KLHL15: variants seen among roughly 807,000 people sequenced by gnomAD.
The protein encoded by KLHL15 is kelch-like protein 15.
Under a neutral mutation model 29.3 loss-of-function variants are expected in KLHL15, and 1 was observed. That is an observed-to-expected ratio of 0.03 (90% CI 0.01 to 0.16). The LOEUF is 0.16. Among genes scored for constraint, KLHL15 ranks in the 10% least tolerant of loss-of-function variants. The pLI is 1.00. For missense variants in KLHL15, 215 were observed against 478.5 expected, an observed-to-expected ratio of 0.45 and a Z score of 5.14; for synonymous variants, 212 against 184.5, an observed-to-expected ratio of 1.15 and a Z score of -1.21.
intron 2 of KLHL15, among the ~76,000 whole-genome samples, chrX:24,023,833 T>C (rs1422050236): frequency 8.9e-6 from 1 of 112,355 alleles, no homozygotes. Context: ...TCTATACATT[T>C]CTAGATCTAT....
rs1434352066 is a variant in KLHL15 at position 23,986,825 on chromosome X, T to C, written c.*1096A>G. ...TCAATAACAAATGCAGCAGCCTTACTGAATGTAAAAAATGGGAGTTGCACT... is the reference window on the plus strand; with the variant it reads ...TCAATAACAAATGCAGCAGCCTTACCGAATGTAAAAAATGGGAGTTGCACT... On this transcript the variant is annotated 3_prime_UTR_variant, in exon 4 of 4. Transcript: ENST00000328046. 1 of 111,853 alleles carries C rather than the reference T, an allele frequency of 8.9e-6. No homozygotes were observed. The highest frequency in any genetic ancestry group is 9.6e-5 in the Admixed American group (1 of 10,466). The allele number at this position is 111,853 out of a possible 1,213,427, so 9.2% of individuals were successfully genotyped here. A position where few individuals can be genotyped will look rare whatever the true frequency, so the allele number is the denominator to read the frequency against.
intron 2 of KLHL15, among the ~76,000 whole-genome samples, chrX:24,015,574 TAG>T (rs1929659750): frequency 8.9e-6 from 1 of 112,521 alleles, no homozygotes; most frequent in African/African-American, 3.2e-5. Flanking sequence ...ACCAACATGA[TAG>T]AGTCTCTAGA....
At position 23,987,892 on chromosome X, in the gene KLHL15, T is replaced by G; in HGVS notation, c.*29A>C. 1 of 1,154,864 alleles carries G rather than the reference T, an allele frequency of 8.7e-7. No homozygotes were observed. Among genetic ancestry groups the G allele is most frequent in the South Asian group, 2.0e-5 (1 of 50,077 alleles). ...ACTCTGTGCAAACAAATACTTTGTT[T>G]GCCTCTTTTTTTAGGGAGGAGGATG... On this transcript the variant is annotated 3_prime_UTR_variant, in exon 4 of 4. Coordinates refer to ENST00000328046, the MANE Select transcript of KLHL15 (RefSeq NM_030624.3).
intron 2 of KLHL15, among the ~76,000 whole-genome samples, chrX:24,016,670 A>AT (rs919833332): frequency 1.2e-4 from 13 of 111,151 alleles, no homozygotes; most frequent in Non-Finnish European, 2.5e-4. Context: ...ATGTCTCAAA[A>AT]AAAAAATTGG....
chrX:24,008,309 C>T (rs937125027), intron 2 of KLHL15, among the ~76,000 whole-genome samples: 1 of 111,935 alleles, frequency 8.9e-6, no homozygotes, highest in African/African-American at 3.2e-5. Flanking sequence ...GGCACAATCT[C>T]GGCTCACTAC....
At chrX:23,995,017 TTTAA>T (rs1461063500) in intron 3 of KLHL15, among the ~76,000 whole-genome samples, 3 of 111,427 alleles carry the variant, frequency 2.7e-5, no homozygotes, top group East Asian at 2.8e-4. Context: ...CATCTTTTAC[TTTAA>T]TTGTGTGTGC....
rs10693389 is a variant in KLHL15 at position 24,003,647 on chromosome X, ATGTGTGTGTGTG to A, written c.705+2330_705+2341del. On this transcript the variant is annotated intron_variant, in intron 3 of 3. Coordinates refer to ENST00000328046, the MANE Select transcript of KLHL15 (RefSeq NM_030624.3). ...TTAGTACATGACCTAGCATAAATAT[ATGTGTGTGTGTG>A]TGTGTGTGTGTGTGTGTGTGCTCGT... Among the ~76,000 whole-genome samples, 5 of 96,468 alleles carry A rather than the reference ATGTGTGTGTGTG, an allele frequency of 5.2e-5. No individual in the cohort carries two copies. In the East Asian group the frequency reaches 1.3e-3, roughly 25 times the overall value. 83.8% of individuals were successfully genotyped at this position (96,468 alleles called of 115,157 possible).
intron 1 of KLHL15, 136 bp from the exon 2 acceptor site, chrX:24,025,194 G>C (rs937930961): frequency 1.0e-5 from 3 of 288,941 alleles, no homozygotes; most frequent in Non-Finnish European, 1.8e-5. Context: ...CGGGAGGGCC[G>C]ACTGGGGCCG....
Position 23,984,322 on chromosome X carries a change from T to C in KLHL15, c.*3599A>G, listed in dbSNP as rs1928948344. On this transcript the variant is annotated 3_prime_UTR_variant, in exon 4 of 4. Transcript: ENST00000328046. ...CTCTGGATAAACTAATTTTTAGGAC[T>C]TCCATTTTTAAGATAAATCTCTTTT... The C allele has an allele frequency of 8.9e-6, 1 of 112,186 alleles. No individual in the cohort carries two copies. Among genetic ancestry groups the C allele is most frequent in the African/African-American group, 3.2e-5 (1 of 30,962 alleles). 9.2% of individuals were successfully genotyped at this position (112,186 alleles called of 1,213,427 possible). A position where few individuals can be genotyped will look rare whatever the true frequency, so the allele number is the denominator to read the frequency against.
intron 2 of KLHL15, among the ~76,000 whole-genome samples, chrX:24,016,986 T>C (rs1012687367): frequency 1.4e-4 from 16 of 110,752 alleles, no homozygotes; most frequent in African/African-American, 4.6e-4. Flanking sequence ...TTCAAGGTCA[T>C]AGAACTAGTA....
intron 3 of KLHL15, among the ~76,000 whole-genome samples, chrX:23,998,250 C>T (rs1307213080): frequency 1.9e-5 from 2 of 106,672 alleles, no homozygotes; most frequent in East Asian, 3.0e-4. Context: ...CGTGTGCCAC[C>T]GTGCCCAGCA....
chrX:24,015,745 T>C (rs766241759), intron 2 of KLHL15, among the ~76,000 whole-genome samples: 1 of 112,531 alleles, frequency 8.9e-6, no homozygotes, highest in African/African-American at 3.2e-5. Flanking sequence ...ACGCCCATAA[T>C]CCCAACAGTC....
chrX:24,013,695 A>G (rs1212228279), intron 2 of KLHL15, among the ~76,000 whole-genome samples: 1 of 110,942 alleles, frequency 9.0e-6, no homozygotes. Flanking sequence ...TCAACATCAC[A>G]CTAATTATCA....
At chrX:24,005,876 A>G (rs1008032097) in intron 3 of KLHL15, 113 bp downstream of exon 3, 1 of 536,435 alleles carries the variant, frequency 1.9e-6, no homozygotes, top group Non-Finnish European at 3.1e-6. Flanking sequence ...CATAAGAAAT[A>G]ACAAAATGAA....
chrX:23,989,979 G>A (rs928701429), intron 3 of KLHL15, among the ~76,000 whole-genome samples: 2 of 109,225 alleles, frequency 1.8e-5, no homozygotes, highest in Non-Finnish European at 3.8e-5. Context: ...TGCTTCTGGA[G>A]CTGGAGCTAC....
At chrX:24,015,898 C>T (rs1462059500) in intron 2 of KLHL15, among the ~76,000 whole-genome samples, 1 of 111,029 alleles carries the variant, frequency 9.0e-6, no homozygotes, top group East Asian at 2.8e-4. Flanking sequence ...ACTTGGGAGG[C>T]TGAGGCAGGA....
chrX:24,017,211 C>CAAAA (rs781366129), intron 2 of KLHL15, among the ~76,000 whole-genome samples: 19 of 43,096 alleles, frequency 4.4e-4, no homozygotes, highest in African/African-American at 9.2e-4. Flanking sequence ...GAGCCTGTCT[C>CAAAA]AAAAAAAAAA....
chrX:24,025,208 G>C (rs1929897920), intron 1 of KLHL15, 150 bp from the exon 2 acceptor site: 1 of 288,058 alleles, frequency 3.5e-6, no homozygotes, highest in Non-Finnish European at 6.1e-6. Flanking sequence ...GGGGCCGCGG[G>C]CGGGGAAAAG....
At chrX:24,025,183 G>A (rs2147113989) in intron 1 of KLHL15, 125 bp from the exon 2 acceptor site, 1 of 286,417 alleles carries the variant, frequency 3.5e-6, no homozygotes, top group Non-Finnish European at 6.1e-6. Flanking sequence ...ACGGGGCTCG[G>A]CGGGAGGGCC....
Sources: gnomAD v4.1 joint callset for allele counts (sites outside exome capture counted in the v4.1 genomes callset) on GRCh38, gnomAD v4.1.1 for gene constraint, MANE v1.5 for transcripts, NCBI Gene and HGNC (gene_info 2026-07-23, HGNC 2026-07-21) for gene names.